ETV3L: variants seen among roughly 807,000 people sequenced by gnomAD.
ETV3L encodes the protein ETS translocation variant 3-like protein.
A neutral mutation model predicts 27.6 loss-of-function variants in ETV3L; 30 were observed. That is an observed-to-expected ratio of 1.09 (90% CI 0.81 to 1.48). ETV3L has a LOEUF of 1.48. Among genes scored for constraint, ETV3L ranks in the 40% most tolerant of loss-of-function variants. ETV3L has a pLI of 0.00. For missense variants in ETV3L, 443 were observed against 455.6 expected, an observed-to-expected ratio of 0.97 and a Z score of 0.25; for synonymous variants, 186 against 188.9, an observed-to-expected ratio of 0.98 and a Z score of 0.12.
chr1:157,094,030 C>T (rs183018785), intron 4 of ETV3L, among the ~76,000 whole-genome samples: 37 of 152,290 alleles, frequency 2.4e-4, no homozygotes, highest in East Asian at 1.2e-3. Context: ...CTCGAATCTA[C>T]CCAGTCTGGA....
Position 157,098,906 on chromosome 1 carries a change from C to CG in ETV3L, c.297-12dup. On this transcript the variant is annotated splice_polypyrimidine_tract_variant and intron_variant, in intron 2 of 4. Coordinates refer to ENST00000454449, the MANE Select transcript of ETV3L (RefSeq NM_001004341.2). ...TTATTGTAGTAATATCTGGAGAATTCGAAGTTGAGAATAGAGTTGGCCCAG... is the reference window on the plus strand; with the variant it reads ...TTATTGTAGTAATATCTGGAGAATTCGGAAGTTGAGAATAGAGTTGGCCCAG... 5 of 1,603,890 alleles carry CG rather than the reference C, an allele frequency of 3.1e-6. No individual in the cohort carries two copies. The highest frequency in any genetic ancestry group is 4.3e-6 in the Non-Finnish European group (5 of 1,174,566).
intron 4 of ETV3L, among the ~76,000 whole-genome samples, chr1:157,096,270 G>A (rs565651347): frequency 6.6e-6 from 1 of 152,172 alleles, no homozygotes; most frequent in Admixed American, 6.5e-5. Context: ...CTCTGCAGCA[G>A]TTAGCACAGT....
chr1:157,095,623 A>C (rs2103182817), intron 4 of ETV3L, among the ~76,000 whole-genome samples: 1 of 142,756 alleles, frequency 7.0e-6, no homozygotes, highest in East Asian at 2.2e-4. Context: ...TCCTAAAGAG[A>C]GAAGCTCTCT....
At chr1:157,098,126 T>G (rs112339214) in intron 3 of ETV3L, 138 bp from the exon 4 acceptor site, 11,708 of 978,208 alleles carry the variant, frequency 0.012, 193 homozygotes, top group African/African-American at 0.061. Context: ...AGTTGGAGTC[T>G]TGCTCTGTCA....
At chr1:157,093,690 A>G (rs1361970924) in intron 4 of ETV3L, among the ~76,000 whole-genome samples, 1 of 151,952 alleles carries the variant, frequency 6.6e-6, no homozygotes, top group Non-Finnish European at 1.5e-5. Context: ...ACAGGGTTTC[A>G]CCATATTGGT....
chr1:157,096,593 A>G (rs1674224953), intron 4 of ETV3L, among the ~76,000 whole-genome samples: 1 of 151,968 alleles, frequency 6.6e-6, no homozygotes, highest in South Asian at 2.1e-4. Context: ...GCTTCCTCCA[A>G]CCCAAACTCT....
At position 157,099,178 on chromosome 1, in the gene ETV3L, G is replaced by T; in HGVS notation, c.259C>A (p.Pro87Thr). Residue 87 changes from proline to threonine, a missense_variant, in exon 2 of 5, where the codon CCA becomes ACA. Coordinates refer to ENST00000454449, the MANE Select transcript of ETV3L (RefSeq NM_001004341.2). ...CTCAGCTTGTCATAATTCATCTGTG[G>T]TTTGCATTTCCTGCGGCCCCAGAGG... ...ARLWGRRKCKPQMNYDKLSRA... is the reference protein window; with the variant it reads ...ARLWGRRKCKTQMNYDKLSRA... 1 of 1,613,908 alleles carries T rather than the reference G, an allele frequency of 6.2e-7. No homozygotes were observed. Among genetic ancestry groups the T allele is most frequent in the South Asian group, 1.1e-5 (1 of 91,074 alleles).
intron 4 of ETV3L, among the ~76,000 whole-genome samples, chr1:157,095,531 T>TTTTC (rs963130134): frequency 2.7e-5 from 4 of 148,922 alleles, no homozygotes; most frequent in Admixed American, 6.7e-5. Flanking sequence ...GGGAACACTT[T>TTTTC]TTTCTTTCTT....
intron 4 of ETV3L, among the ~76,000 whole-genome samples, chr1:157,094,063 T>A (rs1413030522): frequency 6.6e-6 from 1 of 152,176 alleles, no homozygotes; most frequent in Admixed American, 6.5e-5. Flanking sequence ...TCAAGAAAAA[T>A]GTGTCCAGTG....
At chr1:157,098,158 G>A (rs1167688881) in intron 3 of ETV3L, among the ~76,000 whole-genome samples, 170 bp from the exon 4 acceptor site, 13 of 151,640 alleles carry the variant, frequency 8.6e-5, no homozygotes, top group African/African-American at 2.9e-4. Context: ...GTGCAGTGGC[G>A]CCATCCTGGC....
intron 4 of ETV3L, among the ~76,000 whole-genome samples, chr1:157,096,956 C>T (rs894515845): frequency 1.3e-5 from 2 of 151,974 alleles, no homozygotes; most frequent in Non-Finnish European, 1.5e-5. Flanking sequence ...AAATGAAAGT[C>T]TGACCATGGA....
At chr1:157,095,155 C>T (rs568192841) in intron 4 of ETV3L, among the ~76,000 whole-genome samples, 6 of 152,164 alleles carry the variant, frequency 3.9e-5, no homozygotes, top group South Asian at 2.1e-4. Flanking sequence ...CTGTGTCCCT[C>T]GGGGCTCCTG....
chr1:157,098,928 C>A, intron 2 of ETV3L, 33 bp from the exon 3 acceptor site: 1 of 1,584,962 alleles, frequency 6.3e-7, no homozygotes, highest in Admixed American at 1.7e-5. Context: ...TAGAGTTGGC[C>A]CAGCAGTCAG....
At chr1:157,098,956 C>G in intron 2 of ETV3L, 61 bp from the exon 3 acceptor site, 1 of 1,533,342 alleles carries the variant, frequency 6.5e-7, no homozygotes, top group Non-Finnish European at 8.9e-7. Context: ...AGTCAGGGAC[C>G]CAGTCACATT....
chr1:157,098,107 T>C, intron 3 of ETV3L, 119 bp from the exon 4 acceptor site: 1 of 1,260,336 alleles, frequency 7.9e-7, no homozygotes, highest in Non-Finnish European at 1.0e-6. Context: ...ACCGATTTTT[T>C]TTTTTTTGAG....
rs1478132709 is a variant in ETV3L at position 157,097,939 on chromosome 1, G to A, written c.536C>T (p.Thr179Ile). The A allele has an allele frequency of 2.1e-5, 34 of 1,613,564 alleles. No homozygotes were observed. The highest frequency in any genetic ancestry group is 2.9e-5 in the Non-Finnish European group (34 of 1,179,854). The change falls in exon 4 of 5, where the codon ACA becomes ATA. Residue 179 changes from threonine (T) to isoleucine (I), a missense_variant. By Grantham distance (89) the Thr-to-Ile change is moderately conservative. Coordinates refer to ENST00000454449, the MANE Select transcript of ETV3L (RefSeq NM_001004341.2). Reference sequence around the variant, plus strand: ...TGGCCCTCGGGGGGTCTGCTGTCCTGTCAGCTGCTCCACCATGGCCTGATG... The same window carrying A: ...TGGCCCTCGGGGGGTCTGCTGTCCTATCAGCTGCTCCACCATGGCCTGATG... ...FAHQAMVEQL[T>I]GQQTPRGPPE...
rs371330340 is a variant in ETV3L, at chr1:157,092,826, C to A, written c.909G>T (p.Leu303Phe). 9 of 1,614,122 alleles carry A rather than the reference C, an allele frequency of 5.6e-6. No individual in the cohort carries two copies. The highest frequency in any genetic ancestry group is 1.3e-5 in the African/African-American group (1 of 75,052). The change falls in exon 5 of 5, where the codon TTG becomes TTT. Residue 303 changes from leucine to phenylalanine, a missense_variant. By Grantham distance (22) the Leu-to-Phe change is conservative. Coordinates refer to ENST00000454449, the MANE Select transcript of ETV3L (RefSeq NM_001004341.2). ...CTTCCAGCCCCTCGGGCCTGAGGGA[C>A]AAGAGCCAAAGCCTCTCACCCGCAC... ...GQGAGERLWL[L>F]SLRPEGLEVK...
At chr1:157,096,065 T>C (rs1674211961) in intron 4 of ETV3L, among the ~76,000 whole-genome samples, 1 of 152,154 alleles carries the variant, frequency 6.6e-6, no homozygotes, top group South Asian at 2.1e-4. Context: ...AGTCTCTCTG[T>C]TCCAGGGCCA....
Position 157,092,597 on chromosome 1 carries a change from G to A in ETV3L, c.*52C>T, listed in dbSNP as rs920505193. ...GCTAACCCAGAGGCGGTGGGCAAGA[G>A]GAGAGATGGACTTTGGAGGACTCCT... On this transcript the variant is annotated 3_prime_UTR_variant, in exon 5 of 5. Transcript: ENST00000454449. The A allele has an allele frequency of 5.8e-5, 85 of 1,462,394 alleles. No individual in the cohort carries two copies. Among genetic ancestry groups the A allele is most frequent in the Non-Finnish European group, 7.7e-5 (83 of 1,073,396 alleles). The allele number at this position is 1,462,394 out of a possible 1,614,324, so 90.6% of individuals were successfully genotyped here.
Sources: allele counts gnomAD v4.1 joint callset (sites outside exome capture counted in the v4.1 genomes callset), GRCh38; gene constraint gnomAD v4.1.1; transcripts MANE v1.5; gene names NCBI Gene and HGNC (gene_info 2026-07-23, HGNC 2026-07-21).